PDGFC: variants seen among roughly 807,000 people sequenced by gnomAD.
The protein encoded by PDGFC is platelet derived growth factor C.
PDGFC carries 12 observed loss-of-function variants against 35.5 expected under a neutral mutation model. The ratio of observed to expected loss-of-function variants is 0.34; its 90% CI spans 0.22 to 0.55. The LOEUF (loss-of-function observed/expected upper bound fraction) is 0.55, where lower values mean the gene tolerates loss of function less well. PDGFC is among the 20% of genes least tolerant of loss of function. The pLI is 0.91. For missense variants in PDGFC, 322 were observed against 412.4 expected (o/e 0.78, Z 1.90); for synonymous variants, 159 against 148.8 (o/e 1.07, Z -0.50).
intron 3 of PDGFC, among the ~76,000 whole-genome samples, chr4:156,798,843 T>C (rs1731519100): frequency 6.6e-6 from 1 of 152,268 alleles, no homozygotes. Flanking sequence ...AGTGCCCTTT[T>C]AAAATTCAAC....
intron 1 of PDGFC, among the ~76,000 whole-genome samples, chr4:156,904,379 A>G (rs1730864543): frequency 1.3e-5 from 2 of 152,088 alleles, no homozygotes; most frequent in Non-Finnish European, 2.9e-5. Context: ...AACAGGGCTA[A>G]TTATACCTAA....
chr4:156,932,368 C>T (rs963106315), intron 1 of PDGFC, among the ~76,000 whole-genome samples: 2 of 152,026 alleles, frequency 1.3e-5, no homozygotes, highest in African/African-American at 4.8e-5. Flanking sequence ...ACTAGAAATA[C>T]CATTTGACCC....
At chr4:156,876,001 A>C (rs1730107789) in intron 1 of PDGFC, among the ~76,000 whole-genome samples, 1 of 152,340 alleles carries the variant, frequency 6.6e-6, no homozygotes, top group South Asian at 2.1e-4. Context: ...TTAATAGAGT[A>C]CACAAAGAAA....
intron 1 of PDGFC, among the ~76,000 whole-genome samples, chr4:156,860,946 T>C (rs902415361): frequency 2.0e-5 from 3 of 152,144 alleles, no homozygotes; most frequent in South Asian, 2.1e-4. Flanking sequence ...AGGAAACTTA[T>C]TTAGTTCTTT....
At chr4:156,874,485 A>T (rs1034598838) in intron 1 of PDGFC, among the ~76,000 whole-genome samples, 2 of 152,092 alleles carry the variant, frequency 1.3e-5, no homozygotes, top group Non-Finnish European at 2.9e-5. Flanking sequence ...TATAACTGAA[A>T]CCTATTACTA....
chr4:156,844,126 T>G (rs6849867), intron 2 of PDGFC, among the ~76,000 whole-genome samples: 23,172 of 152,142 alleles, frequency 0.15, 2,684 homozygotes, highest in African/African-American at 0.33. Flanking sequence ...AATCTGTCAA[T>G]GTAAAATTTT....
chr4:156,863,827 A>T (rs532754131), intron 1 of PDGFC, among the ~76,000 whole-genome samples: 8 of 152,172 alleles, frequency 5.3e-5, no homozygotes, highest in Middle Eastern at 3.2e-3. Flanking sequence ...AGGGTTAAAA[A>T]TATGAAAAAC....
intron 1 of PDGFC, among the ~76,000 whole-genome samples, chr4:156,938,615 T>C (rs1287424630): frequency 6.6e-6 from 1 of 152,036 alleles, no homozygotes; most frequent in African/African-American, 2.4e-5. Flanking sequence ...TTTAATAACA[T>C]ACATATAAAA....
chr4:156,924,921 T>G (rs1487159861), intron 1 of PDGFC, among the ~76,000 whole-genome samples: 3 of 152,172 alleles, frequency 2.0e-5, no homozygotes, highest in Non-Finnish European at 4.4e-5. Context: ...AGAGACAGGA[T>G]GCAGGCAAAG....
chr4:156,822,188 T>C (rs749827133), intron 2 of PDGFC, among the ~76,000 whole-genome samples: 6 of 151,830 alleles, frequency 4.0e-5, no homozygotes, highest in Admixed American at 2.0e-4. Flanking sequence ...TGAAACCCCA[T>C]CTCTACTAAA....
At chr4:156,818,149 TTAAA>T (rs1732144202) in intron 2 of PDGFC, among the ~76,000 whole-genome samples, 1 of 149,388 alleles carries the variant, frequency 6.7e-6, no homozygotes, top group Admixed American at 6.8e-5. Context: ...AATTTCACTC[TTAAA>T]TAGAATAAAA....
chr4:156,905,863 A>C (rs1730903321), intron 1 of PDGFC, among the ~76,000 whole-genome samples: 1 of 152,010 alleles, frequency 6.6e-6, no homozygotes, highest in African/African-American at 2.4e-5. Context: ...AAAGCAACAT[A>C]ATTGCCATGT....
At chr4:156,839,936 T>C (rs1205324927) in intron 2 of PDGFC, among the ~76,000 whole-genome samples, 1 of 152,176 alleles carries the variant, frequency 6.6e-6, no homozygotes, top group Non-Finnish European at 1.5e-5. Flanking sequence ...TGTGGAACTT[T>C]GAACTTGAGA....
At chr4:156,963,808 A>T (rs1408735204) in intron 1 of PDGFC, among the ~76,000 whole-genome samples, 1 of 152,180 alleles carries the variant, frequency 6.6e-6, no homozygotes. Flanking sequence ...CACTTATAAC[A>T]ACTTGGCTTT....
chr4:156,824,349 C>CACACACACAT (rs1553967655), intron 2 of PDGFC, among the ~76,000 whole-genome samples: 1 of 134,512 alleles, frequency 7.4e-6, no homozygotes, highest in African/African-American at 2.9e-5. Context: ...CACACACACA[C>CACACACACAT]ATATACACAC....
At chr4:156,861,945 T>G (rs1170862676) in intron 1 of PDGFC, among the ~76,000 whole-genome samples, 1 of 152,146 alleles carries the variant, frequency 6.6e-6, no homozygotes, top group Non-Finnish European at 1.5e-5. Flanking sequence ...ACTACATATT[T>G]AAAAGTTCCA....
intron 5 of PDGFC, 111 bp from the exon 6 acceptor site, chr4:156,763,317 T>A: frequency 1.9e-6 from 1 of 530,630 alleles, no homozygotes; most frequent in Non-Finnish European, 3.5e-6. Flanking sequence ...GAAAGACACA[T>A]ATTTTAATTT....
At chr4:156,913,734 C>T (rs1731095463) in intron 1 of PDGFC, among the ~76,000 whole-genome samples, 1 of 152,152 alleles carries the variant, frequency 6.6e-6, no homozygotes, top group African/African-American at 2.4e-5. Flanking sequence ...TGCCTCTCCT[C>T]TGCATTACAC....
chr4:156,850,868 T>G (rs888077957), intron 1 of PDGFC, among the ~76,000 whole-genome samples: 1 of 152,164 alleles, frequency 6.6e-6, no homozygotes, highest in African/African-American at 2.4e-5. Flanking sequence ...ATTCAAAGAT[T>G]TGCATTAATT....
Sources: allele counts gnomAD v4.1 joint callset (sites outside exome capture counted in the v4.1 genomes callset), GRCh38; gene constraint gnomAD v4.1.1; transcripts MANE v1.5; gene names NCBI Gene and HGNC (gene_info 2026-07-23, HGNC 2026-07-21).